The following KIAA1671 variants were observed in gnomAD, a reference collection of about 807,000 sequenced individuals.
The protein encoded by KIAA1671 is uncharacterized protein KIAA1671.
A neutral mutation model predicts 131.2 loss-of-function variants in KIAA1671; 52 were observed. The ratio of observed to expected loss-of-function variants is 0.40; its 90% CI spans 0.32 to 0.50. The LOEUF is 0.50. KIAA1671 is among the 20% of genes least tolerant of loss of function. The pLI is 0.73. For missense variants in KIAA1671, 2,360 were observed against 2,364.2 expected (o/e 1.00, Z 0.04); for synonymous variants, 1,003 against 961.6 (o/e 1.04, Z -0.80).
rs59590267 is a variant in KIAA1671, at chr22:25,188,447, G to GGTGTGTGTGTGT, written c.5343-2220_5343-2209dup. 6.4e-3 allele frequency among the ~76,000 whole-genome samples: 884 copies of GGTGTGTGTGTGT among 137,958 alleles called. 7 individuals carry two copies. The highest frequency in any genetic ancestry group is 0.013 in the Admixed American group (179 of 13,448). 90.5% of individuals were successfully genotyped at this position (137,958 alleles called of 152,430 possible). A position where few individuals can be genotyped will look rare whatever the true frequency, so the allele number is the denominator to read the frequency against. On this transcript the variant is annotated intron_variant, in intron 11 of 12. Coordinates refer to ENST00000358431, the MANE Select transcript of KIAA1671 (RefSeq NM_001145206.2). Reference sequence around the variant, plus strand: ...TTCTCCAGAGAAACAGAGCCAATCGGGTGTGTGTGTGTGTGTGTGTGTGTG... The same window carrying GGTGTGTGTGTGT: ...TTCTCCAGAGAAACAGAGCCAATCGGGTGTGTGTGTGTGTGTGTGTGTGTGTGTGTGTGTGTG...
chr22:25,077,223 G>C (rs1483523447), intron 6 of KIAA1671, among the ~76,000 whole-genome samples: 4 of 152,156 alleles, frequency 2.6e-5, no homozygotes, highest in Non-Finnish European at 4.4e-5. Context: ...GTCTCTACTG[G>C]GTGTGTGGCT....
intron 6 of KIAA1671, among the ~76,000 whole-genome samples, chr22:25,108,776 A>T (rs1449510730): frequency 6.6e-6 from 1 of 152,106 alleles, no homozygotes; most frequent in East Asian, 1.9e-4. Context: ...TATCTCTGTG[A>T]TGTCTATGGG....
chr22:25,074,514 A>AAGAAAG (rs1555876093), intron 6 of KIAA1671, among the ~76,000 whole-genome samples: 1 of 117,426 alleles, frequency 8.5e-6, no homozygotes, highest in South Asian at 2.7e-4. Flanking sequence ...AAAAAAAAAA[A>AAGAAAG]AAAGAAAGAA....
Position 25,028,695 on chromosome 22 carries a change from G to A in KIAA1671, c.696G>A (p.Val232=). 2 of 1,551,216 alleles carry A rather than the reference G, an allele frequency of 1.3e-6. No homozygotes were observed. The highest frequency in any genetic ancestry group is 2.0e-5 in the Admixed American group (1 of 51,014). The change falls in exon 3 of 13, where the codon GTG becomes GTA. Residue 232 remains valine (V), a synonymous_variant. Transcript: ENST00000358431. Reference sequence around the variant, plus strand: ...TGGAGGACACGGCACGCCCCCTTGTGGAGCCCAGGCCTCGCCTGAAGAGAA... The same window carrying A: ...TGGAGGACACGGCACGCCCCCTTGTAGAGCCCAGGCCTCGCCTGAAGAGAA... ...SSVEDTARPL[V]EPRPRLKRRP...
At chr22:24,972,968 C>G (rs889543438) in intron 1 of KIAA1671, among the ~76,000 whole-genome samples, 1 of 152,112 alleles carries the variant, frequency 6.6e-6, no homozygotes, top group African/African-American at 2.4e-5. Context: ...GTGCTGAGAC[C>G]TGAAGGAGAC....
chr22:25,151,591 C>G (rs1933047031), intron 6 of KIAA1671, among the ~76,000 whole-genome samples: 1 of 151,840 alleles, frequency 6.6e-6, no homozygotes, highest in East Asian at 1.9e-4. Flanking sequence ...TCCACCACAC[C>G]TGGCTAATTT....
chr22:25,096,316 G>A lies in KIAA1671; in HGVS notation c.4530+46952G>A, dbSNP rs371153570. On this transcript the variant is annotated intron_variant, in intron 6 of 12. Transcript: ENST00000358431. ...CAGGGTGGCAGTGGCAGTTACAGCCGCTTGTCCACGGGCTGTCTCCGAGGG... is the reference window on the plus strand; with the variant it reads ...CAGGGTGGCAGTGGCAGTTACAGCCACTTGTCCACGGGCTGTCTCCGAGGG... Among the ~76,000 whole-genome samples, 480 of 152,296 alleles carry A rather than the reference G, an allele frequency of 3.2e-3. 2 individuals carry two copies. The highest frequency in any genetic ancestry group is 0.011 in the African/African-American group (461 of 41,584).
intron 5 of KIAA1671, 189 bp from the exon 6 acceptor site, chr22:25,049,041 A>C: frequency 1.5e-6 from 1 of 648,966 alleles, no homozygotes; most frequent in Non-Finnish European, 2.6e-6. Context: ...TAAATGGCTG[A>C]GGCTGGGCCA....
chr22:25,033,574 G>GTTTTTTTTTTTT lies in KIAA1671; in HGVS notation c.1629+891_1629+902dup, dbSNP rs71191019. Among the ~76,000 whole-genome samples, 335 of 58,440 alleles carry GTTTTTTTTTTTT rather than the reference G, an allele frequency of 5.7e-3. 30 individuals are homozygous for GTTTTTTTTTTTT. The highest frequency in any genetic ancestry group is 0.056 in the Middle Eastern group (2 of 36). 38.3% of individuals were successfully genotyped at this position (58,440 alleles called of 152,430 possible). ...TTGTTTTTTTGGTTGGTTTGTTTTC[G>GTTTTTTTTTTTT]TTTTTTTTTTTTTTTTTTTTTTTTG... On this transcript the variant is annotated intron_variant, in intron 4 of 12. Transcript: ENST00000358431.
intron 6 of KIAA1671, among the ~76,000 whole-genome samples, chr22:25,099,762 C>T (rs1027288956): frequency 2.0e-5 from 3 of 152,034 alleles, no homozygotes; most frequent in Non-Finnish European, 4.4e-5. Context: ...ATCCACCCGC[C>T]TCGGCCTCCC....
intron 1 of KIAA1671, among the ~76,000 whole-genome samples, chr22:25,003,370 C>T (rs922900179): frequency 6.6e-6 from 1 of 150,776 alleles, no homozygotes; most frequent in Non-Finnish European, 1.5e-5. Context: ...TTAAAATTAG[C>T]CATAGCCTTA....
intron 6 of KIAA1671, among the ~76,000 whole-genome samples, chr22:25,072,478 G>A (rs904562979): frequency 6.6e-6 from 1 of 152,134 alleles, no homozygotes; most frequent in Non-Finnish European, 1.5e-5. Context: ...GCCCACCGCT[G>A]GTTTTGCAAA....
At chr22:24,955,895 G>A (rs547912351) in intron 1 of KIAA1671, among the ~76,000 whole-genome samples, 42 of 151,632 alleles carry the variant, frequency 2.8e-4, no homozygotes, top group African/African-American at 8.8e-4. Flanking sequence ...GCATGGGGCA[G>A]GTGCCTGTTC....
chr22:25,088,001 C>T (rs969803013), intron 6 of KIAA1671, among the ~76,000 whole-genome samples: 1 of 152,080 alleles, frequency 6.6e-6, no homozygotes, highest in African/African-American at 2.4e-5. Flanking sequence ...AATTGGCTAG[C>T]ATGGAGTAGT....
chr22:25,138,366 A>C (rs537103851), intron 6 of KIAA1671, among the ~76,000 whole-genome samples: 1 of 152,336 alleles, frequency 6.6e-6, no homozygotes, highest in East Asian at 1.9e-4. Flanking sequence ...GGCAAGTCAC[A>C]TGACTGCACC....
intron 6 of KIAA1671, among the ~76,000 whole-genome samples, chr22:25,130,613 G>A (rs906967010): frequency 3.9e-5 from 6 of 152,186 alleles, no homozygotes; most frequent in South Asian, 2.1e-4. Flanking sequence ...TGTGAGGGGC[G>A]GGGGACACTG....
Position 25,039,132 on chromosome 22 carries a change from C to T in KIAA1671, c.2002C>T (p.Leu668=), listed in dbSNP as rs1926774969. Residue 668 remains leucine, a synonymous_variant, in exon 5 of 13, where the codon CTG becomes TTG. Transcript: ENST00000358431. ...LGRDPPDMTK[L]KKENSRGFDN... is the part of the protein sequence containing the mutation. ...CAGGGACCCACCAGACATGACAAAA[C>T]TGAAGAAAGAGAACTCCAGAGGGTT... The T allele has an allele frequency of 3.2e-6, 5 of 1,551,508 alleles. No homozygotes were observed. The Admixed American group carries it at 9.8e-5, about 30-fold the overall frequency.
At chr22:25,085,119 T>C (rs5760837) in intron 6 of KIAA1671, among the ~76,000 whole-genome samples, 98,289 of 152,152 alleles carry the variant, frequency 0.65, 32,700 homozygotes, top group African/African-American at 0.82. Context: ...ACATTCAAAA[T>C]CACTGCATCT....
At chr22:25,049,431 G>C in intron 6 of KIAA1671, 67 bp downstream of exon 6, 1 of 1,511,062 alleles carries the variant, frequency 6.6e-7, no homozygotes, top group Non-Finnish European at 8.9e-7. Flanking sequence ...TGCTGTGAAT[G>C]TGGTTGGTGG....
Sources: allele counts gnomAD v4.1 joint callset (sites outside exome capture counted in the v4.1 genomes callset), GRCh38; gene constraint gnomAD v4.1.1; transcripts MANE v1.5; gene names NCBI Gene and HGNC (gene_info 2026-07-23, HGNC 2026-07-21).